The following MATR3 variants were observed in gnomAD, a reference collection of about 807,000 sequenced individuals.
MATR3 encodes the protein matrin 3.
MATR3 carries 4 observed loss-of-function variants against 85.5 expected under a neutral mutation model. The observed-to-expected ratio is 0.05, with a 90% CI of 0.02 to 0.11. The LOEUF is 0.11. MATR3 is among the 10% of genes least tolerant of loss of function. The pLI is 1.00. For synonymous variants in MATR3, 336 were observed against 343.1 expected (o/e 0.98, Z 0.23); for missense variants, 685 against 1,016.1 (o/e 0.67, Z 4.43).
At position 139,316,606 on chromosome 5, in the gene MATR3, G is replaced by A. The variant is rs762723131; in HGVS notation, c.1129+418G>A. Among the ~76,000 whole-genome samples, 110 of 151,958 alleles carry A rather than the reference G, an allele frequency of 7.2e-4. 3 individuals are homozygous for A. The highest frequency in any genetic ancestry group is 1.3e-4 in the Admixed American group (2 of 15,242). On this transcript the variant is annotated intron_variant, in intron 5 of 14. Coordinates refer to ENST00000394805, the MANE Select transcript of MATR3 (RefSeq NM_018834.6). ...TCCGTCACTCAGGCTAGAGTGTAAC[G>A]GTGCAATCTCTGCTCACTGCAACCC...
intron 1 of MATR3, chr5:139,294,219 C>A: frequency 2.2e-6 from 1 of 448,504 alleles, no homozygotes; most frequent in Non-Finnish European, 3.7e-6. Flanking sequence ...CGCTCGAGGC[C>A]TGAGGGACAG....
At chr5:139,303,450 C>G (rs1171722762) in intron 1 of MATR3, among the ~76,000 whole-genome samples, 1 of 152,130 alleles carries the variant, frequency 6.6e-6, no homozygotes, top group East Asian at 1.9e-4. Flanking sequence ...GAGAGCATAG[C>G]TGAAGATCCA....
chr5:139,317,693 A>G lies in MATR3; in HGVS notation c.1280A>G (p.Asn427Ser). 2.5e-6 allele frequency: 4 copies of G among 1,608,044 alleles called. No homozygotes were observed. The highest frequency in any genetic ancestry group is 3.4e-6 in the Non-Finnish European group (4 of 1,176,530). ...GTAGAACCATTTGGAGTCATTTCAA[A>G]TCATCTGATTCTAAATAAAATTAAT... ...QLVEPFGVIS[N>S]HLILNKINEA... The change falls in exon 7 of 15, where the codon AAT (asparagine) becomes AGT (serine). Residue 427 changes from asparagine (N) to serine (S), a missense_variant. This residue lies in a region of MATR3 where 32 missense variants were observed against 88.0 expected (regional missense o/e 0.36). Coordinates refer to ENST00000394805, the MANE Select transcript of MATR3 (RefSeq NM_018834.6).
At chr5:139,321,197 TAG>T (rs1755549229) in intron 9 of MATR3, among the ~76,000 whole-genome samples, 1 of 152,172 alleles carries the variant, frequency 6.6e-6, no homozygotes, top group Admixed American at 6.6e-5. Context: ...TCGCCCAGTC[TAG>T]AGTGCAGTGG....
In MATR3 at chr5:139,308,205, T is replaced by A; in HGVS notation, c.790T>A (p.Ser264Thr). 2 of 1,614,038 alleles carry A rather than the reference T, an allele frequency of 1.2e-6. No homozygotes were observed. Among genetic ancestry groups the A allele is most frequent in the Non-Finnish European group, 1.7e-6 (2 of 1,179,986 alleles). ...GRGPGPLQER[S>T]LFEKKRGAPP... The stretch of plus-strand genomic sequence containing the variant: ...TGGTCCTGGCCCCTTACAAGAGAGA[T>A]CTCTCTTTGAGAAAAAGAGAGGCGC... Residue 264 changes from serine to threonine, a missense_variant, in exon 2 of 15, where the codon TCT becomes ACT. Around this residue, in one of 9 missense-constraint regions of MATR3, gnomAD observed 223 missense variants for 334.4 expected, o/e 0.67. Transcript: ENST00000394805.
At position 139,322,990 on chromosome 5, in the gene MATR3, GT is replaced by G. The variant is rs749793428; in HGVS notation, c.2148+27del. On this transcript the variant is annotated intron_variant, in intron 12 of 14. Transcript: ENST00000394805. ...AAGGTAAAGAAAGATACATTGATTT[GT>G]TTTAATAGAACATTAGATCAGATCA... is the stretch of plus-strand genomic sequence containing the variant. The G allele has an allele frequency of 1.0e-5, 16 of 1,546,398 alleles. No individual in the cohort carries two copies. In the East Asian group the frequency reaches 3.4e-4, roughly 32 times the overall value.
intron 1 of MATR3, among the ~76,000 whole-genome samples, chr5:139,296,108 A>T (rs1233536146): frequency 1.3e-5 from 2 of 152,230 alleles, no homozygotes; most frequent in African/African-American, 4.8e-5. Flanking sequence ...TAAAATGGAA[A>T]GACTGTGCGT....
chr5:139,315,958 A>G (rs1434169902), intron 4 of MATR3, 118 bp from the exon 5 acceptor site: 4 of 851,044 alleles, frequency 4.7e-6, no homozygotes, highest in Non-Finnish European at 8.1e-6. Flanking sequence ...TACTTCACAG[A>G]TACTCTGAAA....
chr5:139,290,540 C>G (rs1202945308), upstream of MATR3, among the ~76,000 whole-genome samples: 1 of 142,312 alleles, frequency 7.0e-6, no homozygotes, highest in African/African-American at 2.6e-5. Context: ...CCTTCCACAT[C>G]AGCCACCCCT....
At chr5:139,294,665 C>T (rs772735948) in intron 1 of MATR3, 6 of 148,374 alleles carry the variant, frequency 4.0e-5, no homozygotes, top group Admixed American at 1.3e-4. Flanking sequence ...TCCTTTTTCT[C>T]TTTATCAAAA....
chr5:139,297,819 C>G (rs1024092306), intron 1 of MATR3, among the ~76,000 whole-genome samples: 1 of 152,064 alleles, frequency 6.6e-6, no homozygotes, highest in Non-Finnish European at 1.5e-5. Flanking sequence ...TAAAGCTATT[C>G]CAAAATTTAA....
chr5:139,293,390 C>G (rs1003621310), upstream of MATR3: 1 of 152,196 alleles, frequency 6.6e-6, no homozygotes, highest in African/African-American at 2.4e-5. Flanking sequence ...GAGTCTAAGC[C>G]AGGGACTCTC....
At chr5:139,300,723 A>T (rs911391674) in intron 1 of MATR3, among the ~76,000 whole-genome samples, 9 of 152,122 alleles carry the variant, frequency 5.9e-5, no homozygotes, top group African/African-American at 1.9e-4. Flanking sequence ...GCTCACTGCA[A>T]CCTCTGCCTC....
At chr5:139,298,163 G>A (rs912000997) in intron 1 of MATR3, among the ~76,000 whole-genome samples, 3 of 152,154 alleles carry the variant, frequency 2.0e-5, no homozygotes, top group Non-Finnish European at 4.4e-5. Context: ...AGGATTATTA[G>A]GATATTAACC....
chr5:139,286,740 A>G (rs1753716509), intron 3 of MATR3, among the ~76,000 whole-genome samples: 1 of 151,676 alleles, frequency 6.6e-6, no homozygotes, highest in Admixed American at 6.6e-5. Flanking sequence ...GTTACTTGGG[A>G]GGCTGAGGCA....
chr5:139,290,271 G>T (rs763746911), upstream of MATR3, among the ~76,000 whole-genome samples: 1 of 151,186 alleles, frequency 6.6e-6, no homozygotes, highest in Non-Finnish European at 1.5e-5. Flanking sequence ...AGCCTCCCAA[G>T]TAGCTGGGAT....
In MATR3 at chr5:139,326,264, C is replaced by G. The variant is rs879634957; in HGVS notation, c.2473C>G (p.Pro825Ala). The change falls in exon 14 of 15, where the codon CCT (proline) becomes GCT (alanine). Residue 825 changes from proline to alanine, a missense_variant. Around this residue, in one of 9 missense-constraint regions of MATR3, gnomAD observed 45 missense variants for 82.5 expected, o/e 0.55. Transcript: ENST00000394805. The stretch of plus-strand genomic sequence containing the variant: ...AAAGAATACTCATTGCAGCAGCCTT[C>G]CTCATTATCAGAAATTAAAGGTAAG... Reference protein sequence around the residue: ...VAKNTHCSSLPHYQKLKKFLN... With the variant: ...VAKNTHCSSLAHYQKLKKFLN... The G allele has an allele frequency of 3.1e-6, 5 of 1,613,494 alleles. No homozygotes were observed. Among genetic ancestry groups the G allele is most frequent in the Non-Finnish European group, 4.2e-6 (5 of 1,179,780 alleles).
intron 9 of MATR3, among the ~76,000 whole-genome samples, chr5:139,321,159 G>T (rs883578): frequency 0.51 from 77,588 of 151,714 alleles, 24,151 homozygotes; most frequent in Non-Finnish European, 0.7. Context: ...TTGGTTTTTG[G>T]TTTTTTCTGA....
At chr5:139,314,417 T>C (rs1373052627) in intron 2 of MATR3, 1 of 432,838 alleles carries the variant, frequency 2.3e-6, no homozygotes, top group African/African-American at 2.0e-5. Flanking sequence ...TCTATATCTT[T>C]TCCCTGTCAA....
Sources: allele counts gnomAD v4.1 joint callset (sites outside exome capture counted in the v4.1 genomes callset), GRCh38; gene constraint gnomAD v4.1.1; regional missense constraint gnomAD v4.1.1; transcripts MANE v1.5; gene names NCBI Gene and HGNC (gene_info 2026-07-23, HGNC 2026-07-21).